MKLN1: variants seen among roughly 807,000 people sequenced by gnomAD.
MKLN1 encodes the protein muskelin 1.
Under a neutral mutation model 99.0 loss-of-function variants are expected in MKLN1, and 18 were observed. That is an observed-to-expected ratio of 0.18 (90% CI 0.13 to 0.27). The LOEUF is 0.27. MKLN1 is among the 10% of genes least tolerant of loss of function. The probability of loss-of-function intolerance (pLI) is 1.00; values close to 1 mark genes in which losing one functional copy is unlikely to be tolerated. For missense variants in MKLN1, 621 were observed against 875.9 expected, an observed-to-expected ratio of 0.71 and a Z score of 3.67; for synonymous variants, 288 against 293.2, an observed-to-expected ratio of 0.98 and a Z score of 0.18.
chr7:131,466,175 T>A lies in MKLN1; in HGVS notation c.1789-101T>A, dbSNP rs971917662. 5.0e-6 allele frequency: 4 copies of A among 800,334 alleles called. No individual in the cohort carries two copies. In the African/African-American group the frequency reaches 7.0e-5, roughly 14 times the overall value. 49.6% of individuals were successfully genotyped at this position (800,334 alleles called of 1,614,324 possible). A position where few individuals can be genotyped will look rare whatever the true frequency, so the allele number is the denominator to read the frequency against. ...AATGCAGTATAATTTTTAATTTTTT[T>A]ATTTGAATGGGCTCAGGAAGTTAAC... On this transcript the variant is annotated intron_variant, in intron 14 of 17. Transcript: ENST00000352689.
intron 2 of MKLN1, among the ~76,000 whole-genome samples, chr7:131,376,634 CT>C (rs1793673463): frequency 1.4e-5 from 2 of 141,770 alleles, no homozygotes; most frequent in African/African-American, 5.2e-5. Context: ...GAGTGAGACT[CT>C]GTCTCAAAAA....
At position 131,143,676 on chromosome 7, in the gene MKLN1, T is replaced by G. The variant is rs543489848; in HGVS notation, c.-297+735T>G. Reference sequence around the variant, plus strand: ...CCCCATCTCTACAAAAATTTAAAAATTATCTAGGACTACAGGTGGCATGTG... The same window carrying G: ...CCCCATCTCTACAAAAATTTAAAAAGTATCTAGGACTACAGGTGGCATGTG... On this transcript the variant is annotated intron_variant, in intron 2 of 7. Transcript: ENST00000416992. 6.6e-5 allele frequency among the ~76,000 whole-genome samples: 10 copies of G among 151,656 alleles called. No individual in the cohort carries two copies. In the East Asian group the frequency reaches 2.0e-3, roughly 30 times the overall value.
chr7:131,113,354 A>T (rs1795225325), intron 1 of MKLN1, among the ~76,000 whole-genome samples: 1 of 152,224 alleles, frequency 6.6e-6, no homozygotes, highest in African/African-American at 2.4e-5. Flanking sequence ...CCTGGCAAGT[A>T]GGTTCTAAAT....
rs1487451694 is a variant in MKLN1 at position 131,495,274 on chromosome 7, C to T, written c.*7546C>T. On this transcript the variant is annotated 3_prime_UTR_variant, in exon 18 of 18. Transcript: ENST00000352689. ...TTGAGAAGAAAGATACAACTTCCTC[C>T]ATAGCCAATAAAATCTGTCTTTCCA... is the stretch of plus-strand genomic sequence containing the variant. 1.3e-5 allele frequency: 2 copies of T among 152,128 alleles called. No individual in the cohort carries two copies. The highest frequency in any genetic ancestry group is 2.9e-5 in the Non-Finnish European group (2 of 68,012). The allele number at this position is 152,128 out of a possible 1,614,324, so 9.4% of individuals were successfully genotyped here.
At chr7:131,185,480 G>A (rs1183127524) in intron 2 of MKLN1, among the ~76,000 whole-genome samples, 11 of 151,798 alleles carry the variant, frequency 7.2e-5, no homozygotes, top group Non-Finnish European at 1.2e-4. Flanking sequence ...CCAGCTACTC[G>A]GGAGGCTGAG....
At chr7:131,276,319 C>T (rs1797974494) in intron 3 of MKLN1, among the ~76,000 whole-genome samples, 1 of 152,058 alleles carries the variant, frequency 6.6e-6, no homozygotes, top group African/African-American at 2.4e-5. Context: ...AGAGGAAGAG[C>T]GATGTGCACT....
intron 14 of MKLN1, among the ~76,000 whole-genome samples, chr7:131,466,072 A>G (rs879376311): frequency 1.3e-5 from 2 of 152,204 alleles, no homozygotes; most frequent in Non-Finnish European, 2.9e-5. Flanking sequence ...ACTTTGGCAT[A>G]TGTGCAGTTT....
intron 1 of MKLN1, among the ~76,000 whole-genome samples, chr7:131,351,922 A>G (rs1799731496): frequency 6.6e-6 from 1 of 152,166 alleles, no homozygotes; most frequent in Non-Finnish European, 1.5e-5. Context: ...CTCTCATCTT[A>G]CCATTCCTTT....
intron 1 of MKLN1, among the ~76,000 whole-genome samples, chr7:131,121,497 G>A (rs552101081): frequency 6.6e-6 from 1 of 151,942 alleles, no homozygotes; most frequent in Non-Finnish European, 1.5e-5. Flanking sequence ...AATTAGCTGG[G>A]TGTGGTGGCG....
In MKLN1 at chr7:131,192,161, ACT is replaced by A. The variant is rs1213033186; in HGVS notation, c.-296-10695_-296-10694del. 8.1e-4 allele frequency among the ~76,000 whole-genome samples: 96 copies of A among 117,966 alleles called. 9 individuals are homozygous for A. Among genetic ancestry groups the A allele is most frequent in the African/African-American group, 3.3e-3 (92 of 28,288 alleles). 77.4% of individuals were successfully genotyped at this position (117,966 alleles called of 152,430 possible). ...TATATATACGTATATATACATATAT[ACT>A]TATGTATAATATATAAAAATATATA... On this transcript the variant is annotated intron_variant, in intron 2 of 7. Coordinates refer to the MKLN1 transcript ENST00000416992.
chr7:131,209,603 C>T (rs1371918381), intron 3 of MKLN1, among the ~76,000 whole-genome samples: 1 of 152,212 alleles, frequency 6.6e-6, no homozygotes, highest in Non-Finnish European at 1.5e-5. Context: ...GTAGAAGACT[C>T]TGATAAATCC....
chr7:131,193,998 G>GT (rs1204947845), intron 2 of MKLN1, among the ~76,000 whole-genome samples: 132 of 104,120 alleles, frequency 1.3e-3, no homozygotes, highest in East Asian at 2.2e-3. Context: ...TTCTTGCTTT[G>GT]TTTTGTTTTT....
chr7:131,227,724 C>A (rs1476817616), intron 3 of MKLN1, among the ~76,000 whole-genome samples: 5 of 151,938 alleles, frequency 3.3e-5, no homozygotes, highest in African/African-American at 1.2e-4. Flanking sequence ...TACCACCATG[C>A]ATGGCTAACT....
At position 131,489,974 on chromosome 7, in the gene MKLN1, G is replaced by A. The variant is rs954093260; in HGVS notation, c.*2246G>A. The A allele has an allele frequency of 1.3e-5, 2 of 152,408 alleles. No individual in the cohort carries two copies. Among genetic ancestry groups the A allele is most frequent in the Admixed American group, 1.3e-4 (2 of 15,250 alleles). The allele number at this position is 152,408 out of a possible 1,614,324, so 9.4% of individuals were successfully genotyped here. A position where few individuals can be genotyped will look rare whatever the true frequency, so the allele number is the denominator to read the frequency against. Reference sequence around the variant, plus strand: ...CAAAGTGAGATAGATGTACTGAGGAGATAATTGAAAAGTCAGACTCTGTAC... The same window carrying A: ...CAAAGTGAGATAGATGTACTGAGGAAATAATTGAAAAGTCAGACTCTGTAC... On this transcript the variant is annotated 3_prime_UTR_variant, in exon 18 of 18. Transcript: ENST00000352689.
chr7:131,198,022 A>T (rs1343279841), intron 2 of MKLN1, among the ~76,000 whole-genome samples: 1 of 152,196 alleles, frequency 6.6e-6, no homozygotes, highest in African/African-American at 2.4e-5. Context: ...CAGCTATTTT[A>T]AAATTTCTGT....
In MKLN1 at chr7:131,296,071, T is replaced by A. The variant is rs973448430; in HGVS notation, c.-178-79353T>A. Among the ~76,000 whole-genome samples, 3 of 152,286 alleles carry A rather than the reference T, an allele frequency of 2.0e-5. No homozygotes were observed. The East Asian group carries it at 5.8e-4, about 29-fold the overall frequency. On this transcript the variant is annotated intron_variant, in intron 3 of 7. Coordinates refer to the MKLN1 transcript ENST00000416992. ...CTGTCGATGAATATAAAGGAACAACTTTTTTGGCGGTTACAATTTAGGAAC... is the reference window on the plus strand; with the variant it reads ...CTGTCGATGAATATAAAGGAACAACATTTTTGGCGGTTACAATTTAGGAAC...
At chr7:131,380,858 C>A (rs542254554) in intron 2 of MKLN1, among the ~76,000 whole-genome samples, 1 of 152,262 alleles carries the variant, frequency 6.6e-6, no homozygotes, top group South Asian at 2.1e-4. Context: ...ATTTTGGTTT[C>A]ATATACAGTT....
chr7:131,370,904 TA>T (rs920436545), intron 1 of MKLN1, among the ~76,000 whole-genome samples: 4 of 152,186 alleles, frequency 2.6e-5, no homozygotes, highest in African/African-American at 9.7e-5. Flanking sequence ...TCAGGAGAGT[TA>T]CTTAGTTGGC....
chr7:131,139,146 G>C (rs1295211796), intron 1 of MKLN1, among the ~76,000 whole-genome samples: 2 of 152,126 alleles, frequency 1.3e-5, no homozygotes, highest in Non-Finnish European at 2.9e-5. Flanking sequence ...AGGAGAAGGG[G>C]TGTTTGGAAA....
Sources: allele counts gnomAD v4.1 joint callset (sites outside exome capture counted in the v4.1 genomes callset), GRCh38; gene constraint gnomAD v4.1.1; transcripts MANE v1.5; gene names NCBI Gene and HGNC (gene_info 2026-07-23, HGNC 2026-07-21).